The following TMTC2 variants were observed in gnomAD, a reference collection of about 807,000 sequenced individuals.
The protein encoded by TMTC2 is protein O-mannosyl-transferase TMTC2.
In TMTC2, 43 loss-of-function variants were observed where a neutral mutation model predicts 82.4. The observed-to-expected ratio is 0.52, with a 90% CI of 0.41 to 0.67. TMTC2 has a LOEUF of 0.67. Among genes scored for constraint, TMTC2 ranks in the 30% least tolerant of loss-of-function variants. TMTC2 has a pLI of 0.00. For missense variants in TMTC2, 919 were observed against 1,012.4 expected (o/e 0.91, Z 1.25); for synonymous variants, 408 against 381.9 (o/e 1.07, Z -0.80).
chr12:82,692,041 A>G (rs1424741931), intron 1 of TMTC2, among the ~76,000 whole-genome samples: 1 of 152,220 alleles, frequency 6.6e-6, no homozygotes. Flanking sequence ...TTGAATAAGT[A>G]TATCTCATCA....
At chr12:82,803,161 G>C (rs994420235) in intron 1 of TMTC2, among the ~76,000 whole-genome samples, 2 of 152,150 alleles carry the variant, frequency 1.3e-5, no homozygotes, top group African/African-American at 4.8e-5. Flanking sequence ...TAAGTGGCCA[G>C]TATGATATTG....
chr12:83,054,993 G>A (rs112247243), intron 10 of TMTC2, among the ~76,000 whole-genome samples: 1 of 152,006 alleles, frequency 6.6e-6, no homozygotes, highest in Non-Finnish European at 1.5e-5. Flanking sequence ...TACCAGTGGG[G>A]TTGGGAGCTC....
chr12:83,035,632 T>C (rs1881632123), intron 9 of TMTC2, among the ~76,000 whole-genome samples: 1 of 152,200 alleles, frequency 6.6e-6, no homozygotes, highest in Non-Finnish European at 1.5e-5. Flanking sequence ...TCCATGTCCA[T>C]GTGAAGCAAA....
In TMTC2 at chr12:82,789,320, T is replaced by G. The variant is rs978877135; in HGVS notation, c.84-67690T>G. Among the ~76,000 whole-genome samples, 6 of 152,112 alleles carry G rather than the reference T, an allele frequency of 3.9e-5. No individual in the cohort carries two copies. The South Asian group carries it at 1.2e-3, about 31-fold the overall frequency. On this transcript the variant is annotated intron_variant, in intron 1 of 11. Transcript: ENST00000321196. Reference sequence around the variant, plus strand: ...GCAACCTGTGGGGTCTAATTGTGTGTATGCTGAATTTTAGAGGTTATTAAT... The same window carrying G: ...GCAACCTGTGGGGTCTAATTGTGTGGATGCTGAATTTTAGAGGTTATTAAT...
At chr12:82,758,320 CAATAT>C (rs913904784) in intron 1 of TMTC2, among the ~76,000 whole-genome samples, 1 of 152,160 alleles carries the variant, frequency 6.6e-6, no homozygotes. Flanking sequence ...TTTTAAAACT[CAATAT>C]AATGTTTTAA....
At chr12:83,039,458 A>G (rs916154843) in intron 9 of TMTC2, among the ~76,000 whole-genome samples, 1 of 151,872 alleles carries the variant, frequency 6.6e-6, no homozygotes, top group East Asian at 1.9e-4. Flanking sequence ...TATATATTTG[A>G]CAAATATATA....
intron 7 of TMTC2, among the ~76,000 whole-genome samples, chr12:82,979,810 G>T (rs1194445502): frequency 6.6e-6 from 1 of 151,606 alleles, no homozygotes; most frequent in African/African-American, 2.4e-5. Flanking sequence ...CTCAGCTTTT[G>T]TCTGGGACAG....
chr12:83,116,166 A>G (rs951376077), intron 11 of TMTC2, among the ~76,000 whole-genome samples: 2 of 152,186 alleles, frequency 1.3e-5, no homozygotes, highest in African/African-American at 4.8e-5. Context: ...TGAGTGAGAC[A>G]TATGATGTTT....
At chr12:82,808,176 T>G (rs1403152066) in intron 1 of TMTC2, among the ~76,000 whole-genome samples, 1 of 151,956 alleles carries the variant, frequency 6.6e-6, no homozygotes, top group African/African-American at 2.4e-5. Context: ...CAAAATGTCA[T>G]TAAAATTACA....
At chr12:82,878,493 T>G (rs2137151237) in intron 2 of TMTC2, among the ~76,000 whole-genome samples, 1 of 152,264 alleles carries the variant, frequency 6.6e-6, no homozygotes, top group South Asian at 2.1e-4. Flanking sequence ...TAAAGAACAT[T>G]TAAAATTGTG....
At chr12:83,029,407 C>T (rs1342365613) in intron 8 of TMTC2, among the ~76,000 whole-genome samples, 1 of 152,062 alleles carries the variant, frequency 6.6e-6, no homozygotes, top group Non-Finnish European at 1.5e-5. Context: ...CAATGTGGCC[C>T]AGGGAAGCCA....
intron 1 of TMTC2, among the ~76,000 whole-genome samples, chr12:82,764,003 T>G (rs532921185): frequency 1.2e-4 from 18 of 152,332 alleles, no homozygotes; most frequent in African/African-American, 3.8e-4. Context: ...TATTAATATA[T>G]CATACTGTAT....
At chr12:83,054,496 A>G (rs1173985339) in intron 10 of TMTC2, among the ~76,000 whole-genome samples, 3 of 151,714 alleles carry the variant, frequency 2.0e-5, no homozygotes, top group African/African-American at 7.2e-5. Flanking sequence ...TAGATTGGGA[A>G]CTCACATGCA....
At chr12:82,875,993 GTTGGTA>G (rs1565788509) in intron 2 of TMTC2, among the ~76,000 whole-genome samples, 1 of 140,060 alleles carries the variant, frequency 7.1e-6, no homozygotes, top group Admixed American at 7.2e-5. Flanking sequence ...TGTTGGTGGT[GTTGGTA>G]TTGGTAATGG....
chr12:83,068,914 C>T (rs574378935), intron 11 of TMTC2, among the ~76,000 whole-genome samples: 11 of 152,072 alleles, frequency 7.2e-5, no homozygotes, highest in African/African-American at 2.7e-4. Flanking sequence ...TATGCCTTTG[C>T]GTCCTCATAA....
At chr12:82,958,369 AACAAAAAAAAC>A (rs1368244903) in intron 4 of TMTC2, among the ~76,000 whole-genome samples, 315 of 7,280 alleles carry the variant, frequency 0.043, 4 homozygotes, top group Admixed American at 0.084. Flanking sequence ...AAAAAAAAAA[AACAAAAAAAAC>A]AAAAAAACTA....
chr12:82,849,065 G>A (rs1343337652), intron 1 of TMTC2, among the ~76,000 whole-genome samples: 2 of 152,074 alleles, frequency 1.3e-5, no homozygotes, highest in Non-Finnish European at 2.9e-5. Flanking sequence ...CTGTGAATGC[G>A]AGCTGTGAAG....
chr12:82,881,152 G>A (rs1366934193), intron 2 of TMTC2, among the ~76,000 whole-genome samples: 3 of 152,166 alleles, frequency 2.0e-5, no homozygotes, highest in Non-Finnish European at 4.4e-5. Flanking sequence ...GATTAATGGG[G>A]AGTGTTTTAA....
At chr12:82,942,176 A>G (rs569934421) in intron 4 of TMTC2, among the ~76,000 whole-genome samples, 2 of 152,378 alleles carry the variant, frequency 1.3e-5, no homozygotes, top group African/African-American at 4.8e-5. Context: ...TTCAGAATTG[A>G]TAAGAGAATA....
Sources: gnomAD v4.1 joint callset for allele counts (sites outside exome capture counted in the v4.1 genomes callset) on GRCh38, gnomAD v4.1.1 for gene constraint, MANE v1.5 for transcripts, NCBI Gene and HGNC (gene_info 2026-07-23, HGNC 2026-07-21) for gene names.